The following KHNYN variants were observed in gnomAD, a reference collection of about 807,000 sequenced individuals.
The protein encoded by KHNYN is KH and NYN domain containing.
In KHNYN, 42 loss-of-function variants were observed where a neutral mutation model predicts 62.7. The observed-to-expected ratio is 0.67, with a 90% confidence interval of 0.52 to 0.87. The LOEUF is 0.87. Ranked by LOEUF, KHNYN falls within the 40% of genes least tolerant of loss-of-function variation. The pLI is 0.00. For synonymous variants in KHNYN, 347 were observed against 345.6 expected (o/e 1.00, Z -0.04); for missense variants, 829 against 874.1 (o/e 0.95, Z 0.65).
Position 24,437,125 on chromosome 14 carries a change from G to A in KHNYN, c.1877G>A (p.Ser626Asn). 2 of 1,614,202 alleles carry A rather than the reference G, an allele frequency of 1.2e-6. No individual in the cohort carries two copies. The highest frequency in any genetic ancestry group is 1.1e-5 in the South Asian group (1 of 91,078). The part of the protein sequence containing the change: ...QQQGREEEKG[S>N]GGIRKTRETE... ...CAGGGGAGAGAAGAGGAAAAAGGTAGTGGTGGCATTCGGAAGACCCGGGAA... is the reference window on the plus strand; with the variant it reads ...CAGGGGAGAGAAGAGGAAAAAGGTAATGGTGGCATTCGGAAGACCCGGGAA... Residue 626 changes from serine (S) to asparagine (N), a missense_variant, in exon 8 of 8, where the codon AGT (serine) becomes AAT (asparagine). Ser to Asn is a conservative substitution (Grantham distance 46). Coordinates refer to ENST00000553935, the MANE Select transcript of KHNYN (RefSeq NM_015299.3). The surrounding 1 kb of genome is among the most constrained non-coding windows in gnomAD (Gnocchi z 5.5).
At chr14:24,430,206 C>T (rs947984260) in intron 1 of KHNYN, 87 bp downstream of exon 1, 2 of 938,286 alleles carry the variant, frequency 2.1e-6, no homozygotes, top group African/African-American at 3.6e-5. Flanking sequence ...TGCCCCAGTC[C>T]GCGGTGGGCG....
chr14:24,436,812 G>A (rs1252001299), intron 7 of KHNYN, among the ~76,000 whole-genome samples: 2 of 152,168 alleles, frequency 1.3e-5, no homozygotes, highest in Non-Finnish European at 2.9e-5. Context: ...TTTAGGACTA[G>A]AACTAGATCA....
In KHNYN at chr14:24,437,083, A is replaced by AACATGG; in HGVS notation, c.1836_1841dup (p.His613_Gly614dup). 6.2e-7 allele frequency: 1 copy of AACATGG among 1,614,180 alleles called. No homozygotes were observed. The highest frequency in any genetic ancestry group is 8.5e-7 in the Non-Finnish European group (1 of 1,180,030). ...CAGCATCCTTCCAGGGGCTTTGCAG[A>AACATGG]ACATGGTAAACAGCAGCAGGGGAGA... On this transcript the variant is annotated inframe_insertion, in exon 8 of 8. Transcript: ENST00000553935. The surrounding 1 kb of genome is among the most constrained non-coding windows in gnomAD (Gnocchi z 5.5).
chr14:24,424,058 C>G, the KHNYN span, among the ~76,000 whole-genome samples: 2 of 152,186 alleles, frequency 1.3e-5, no homozygotes, highest in Non-Finnish European at 2.9e-5. Flanking sequence ...TCAACTGAAT[C>G]ACTAATATGT....
In KHNYN at chr14:24,432,916, A is replaced by G. The variant is rs921709961; in HGVS notation, c.1481-20A>G. Reference sequence around the variant, plus strand: ...CTGTTTCCACTTTGAGGAGAACCCTATTATGTTCTTTTTCAATAGAGAGTC... The same window carrying G: ...CTGTTTCCACTTTGAGGAGAACCCTGTTATGTTCTTTTTCAATAGAGAGTC... On this transcript the variant is annotated intron_variant, in intron 4 of 7. Transcript: ENST00000553935. The surrounding 1 kb of genome is among the most constrained non-coding windows in gnomAD (Gnocchi z 5.6). 11 of 1,613,946 alleles carry G rather than the reference A, an allele frequency of 6.8e-6. No individual in the cohort carries two copies. In the African/African-American group the frequency reaches 8.0e-5, roughly 12 times the overall value.
rs1483658745 is a variant in KHNYN at position 24,432,304 on chromosome 14, A to T, written c.1043A>T (p.His348Leu). ...SRGASLLQRL[H>L]NGNASPPRVP... ...GGAGCCTCCCTCCTCCAGCGGCTCCACAATGGGAATGCCTCTCCTCCGAGG... is the reference window on the plus strand; with the variant it reads ...GGAGCCTCCCTCCTCCAGCGGCTCCTCAATGGGAATGCCTCTCCTCCGAGG... Residue 348 changes from histidine (H) to leucine (L), a missense_variant, in exon 3 of 8, where the codon CAC (histidine) becomes CTC (leucine). By Grantham distance (99) the His-to-Leu change is moderately conservative. Transcript: ENST00000553935. This position sits in a 1 kb window ranked among gnomAD's most constrained non-coding sequence, Gnocchi z 5.6. The T allele has an allele frequency of 6.2e-7, 1 of 1,614,040 alleles. No homozygotes were observed.
At chr14:24,424,640 G>A (rs914797925), upstream of KHNYN, among the ~76,000 whole-genome samples, 1 of 152,246 alleles carries the variant, frequency 6.6e-6, no homozygotes, top group Non-Finnish European at 1.5e-5. Context: ...ACTGAAGTCA[G>A]AGAGATGTGG....
chr14:24,441,117 G>T lies in KHNYN; in HGVS notation c.*3832G>T, dbSNP rs2043325322. ...TTCCTTCCCTGGAGGAACTCTGGTT[G>T]CAGGGCTAAACTTAGAGGCTGCTAG... On this transcript the variant is annotated 3_prime_UTR_variant, in exon 8 of 8. Transcript: ENST00000553935. 7 of 680,188 alleles carry T rather than the reference G, an allele frequency of 1.0e-5. No individual in the cohort carries two copies. The highest frequency in any genetic ancestry group is 1.6e-5 in the Non-Finnish European group (6 of 379,730). 42.1% of individuals were successfully genotyped at this position (680,188 alleles called of 1,614,324 possible).
In KHNYN at chr14:24,441,031, C is replaced by A. The variant is rs767962890; in HGVS notation, c.*3746C>A. The stretch of plus-strand genomic sequence containing the variant: ...CACCTTCTCTGGCCCTTAGGATCTC[C>A]CCATTTGGAGACAGAGCCATTTGGA... On this transcript the variant is annotated 3_prime_UTR_variant, in exon 8 of 8. Coordinates refer to ENST00000553935, the MANE Select transcript of KHNYN (RefSeq NM_015299.3). The A allele has an allele frequency of 2.4e-6, 3 of 1,250,514 alleles. No individual in the cohort carries two copies. The East Asian group carries it at 7.3e-5, about 30-fold the overall frequency. 77.5% of individuals were successfully genotyped at this position (1,250,514 alleles called of 1,614,324 possible).
upstream of KHNYN, chr14:24,427,874 C>G (rs781723932): frequency 2.5e-6 from 4 of 1,614,112 alleles, no homozygotes; most frequent in Admixed American, 1.7e-5. The surrounding 1 kb of genome is among the most constrained non-coding windows in gnomAD (Gnocchi z 4.4). Context: ...CAGAGACACT[C>G]GGTCCCCAGG....
chr14:24,435,970 G>A, intron 5 of KHNYN, 102 bp from the exon 6 acceptor site: 4 of 855,348 alleles, frequency 4.7e-6, no homozygotes, highest in South Asian at 4.1e-5. Flanking sequence ...TTGCATAGTG[G>A]TGAAGTCTAG....
upstream of KHNYN, chr14:24,429,395 G>C: frequency 3.4e-6 from 2 of 589,756 alleles, no homozygotes; most frequent in South Asian, 3.0e-5. Flanking sequence ...GACCTGGGGG[G>C]ATGGAGAACA....
chr14:24,428,131 T>A, upstream of KHNYN: 2 of 1,310,232 alleles, frequency 1.5e-6, no homozygotes, highest in Non-Finnish European at 2.1e-6. Context: ...ACTCTGCACA[T>A]CCTCCACACT....
rs1162899914 is a variant in KHNYN, at chr14:24,437,154, G to C, written c.1906G>C (p.Glu636Gln). The part of the protein sequence containing the change: ...SGGIRKTRET[E>Q]RLRRQLLEVF... ...TGGCATTCGGAAGACCCGGGAAACA[G>C]AGCGGCTCCGGCGGCAGCTGCTGGA... Residue 636 changes from glutamate (E) to glutamine (Q), a missense_variant, in exon 8 of 8, where the codon GAG becomes CAG. Around this residue, in one of 2 missense-constraint regions of KHNYN, gnomAD observed 270 missense variants for 347.1 expected, o/e 0.78. Coordinates refer to ENST00000553935, the MANE Select transcript of KHNYN (RefSeq NM_015299.3). The surrounding 1 kb of genome is among the most constrained non-coding windows in gnomAD (Gnocchi z 5.5). The C allele has an allele frequency of 1.2e-6, 2 of 1,614,220 alleles. No individual in the cohort carries two copies. Among genetic ancestry groups the C allele is most frequent in the Non-Finnish European group, 1.7e-6 (2 of 1,180,038 alleles).
chr14:24,428,096 A>G, upstream of KHNYN: 1 of 1,355,450 alleles, frequency 7.4e-7, no homozygotes, highest in Non-Finnish European at 1.0e-6. Flanking sequence ...CTCTCCCGGG[A>G]GGGCTGAGGG....
chr14:24,431,418 G>C (rs765387467), intron 2 of KHNYN, 45 bp from the exon 3 acceptor site: 24 of 1,494,850 alleles, frequency 1.6e-5, no homozygotes, highest in Non-Finnish European at 2.1e-5. Flanking sequence ...GGGTGATCTG[G>C]GCCAGTTAGT....
rs1371450243 is a variant in KHNYN at position 24,440,666 on chromosome 14, T to C, written c.*3381T>C. ...CACACCTTCTCATCTGCAGGTTGGC[T>C]AGAAGTGGTGGCATCCTCTCACTCT... On this transcript the variant is annotated 3_prime_UTR_variant, in exon 8 of 8. Transcript: ENST00000553935. 1.4e-6 allele frequency: 2 copies of C among 1,421,244 alleles called. No homozygotes were observed. Among genetic ancestry groups the C allele is most frequent in the African/African-American group, 2.9e-5 (2 of 70,026 alleles). 88.0% of individuals were successfully genotyped at this position (1,421,244 alleles called of 1,614,324 possible).
chr14:24,432,287 C>T lies in KHNYN; in HGVS notation c.1026C>T (p.Ser342=), dbSNP rs2043132812. The T allele has an allele frequency of 1.9e-5, 31 of 1,613,792 alleles. No individual in the cohort carries two copies. The highest frequency in any genetic ancestry group is 2.5e-5 in the Non-Finnish European group (30 of 1,179,874). Residue 342 remains serine (S), a synonymous_variant, in exon 3 of 8, where the codon TCC becomes TCT. Coordinates refer to ENST00000553935, the MANE Select transcript of KHNYN (RefSeq NM_015299.3). The surrounding 1 kb of genome is among the most constrained non-coding windows in gnomAD (Gnocchi z 5.6). ...GGGCAGCTCAGTCCCGAGGAGCCTC[C>T]CTCCTCCAGCGGCTCCACAATGGGA... ...CHRAAQSRGA[S]LLQRLHNGNA... is the part of the protein sequence containing the mutation.
chr14:24,423,674 A>C, the KHNYN span, among the ~76,000 whole-genome samples: 122 of 152,224 alleles, frequency 8.0e-4, no homozygotes, highest in Non-Finnish European at 1.0e-3. Context: ...AAACCAGTGA[A>C]GAGTTAGAGG....
Sources: gnomAD v4.1 joint callset for allele counts (sites outside exome capture counted in the v4.1 genomes callset) on GRCh38, gnomAD v4.1.1 for gene constraint, gnomAD v4.1.1 regional missense constraint, Gnocchi (gnomAD v3.1) non-coding constraint, MANE v1.5 for transcripts, NCBI Gene and HGNC (gene_info 2026-07-23, HGNC 2026-07-21) for gene names.